The following SLC5A12 variants were observed in gnomAD, a reference collection of about 807,000 sequenced individuals.
The protein encoded by SLC5A12 is sodium-coupled monocarboxylate transporter 2.
A neutral mutation model predicts 72.7 loss-of-function variants in SLC5A12; 46 were observed. That is an observed-to-expected ratio of 0.63 (90% CI 0.50 to 0.81). The LOEUF is 0.81. Ranked by LOEUF, SLC5A12 falls within the 30% of genes least tolerant of loss-of-function variation. The pLI is 0.00. For synonymous variants in SLC5A12, 275 were observed against 264.4 expected (o/e 1.04, Z -0.39); for missense variants, 683 against 740.7 (o/e 0.92, Z 0.90).
At chr11:26,691,583 T>A (rs1854675203) in intron 9 of SLC5A12, 1 of 152,020 alleles carries the variant, frequency 6.6e-6, no homozygotes, top group South Asian at 2.1e-4. Flanking sequence ...ACCATGTTTT[T>A]AAAAAAATAC....
intron 12 of SLC5A12, among the ~76,000 whole-genome samples, 177 bp from the exon 13 acceptor site, chr11:26,678,992 C>A (rs1590708658): frequency 6.6e-6 from 1 of 152,128 alleles, no homozygotes; most frequent in African/African-American, 2.4e-5. Flanking sequence ...CAATTCAATT[C>A]ATTCCTGAAT....
chr11:26,707,455 CCTT>C (rs1855116903), intron 4 of SLC5A12, among the ~76,000 whole-genome samples: 3 of 151,940 alleles, frequency 2.0e-5, no homozygotes, highest in South Asian at 4.1e-4. Flanking sequence ...ATGAATTAGA[CCTT>C]CTTATTTTGT....
Position 26,713,445 on chromosome 11 carries a change from T to A in SLC5A12, c.340-739A>T, listed in dbSNP as rs1278930246. On this transcript the variant is annotated intron_variant, in intron 1 of 14. Transcript: ENST00000396005. Reference sequence around the variant, plus strand: ...CCCAAATTTCACAAAGTCTTAGTCATCTGTCAATAGATGGAAGGAAAAGTA... The same window carrying A: ...CCCAAATTTCACAAAGTCTTAGTCAACTGTCAATAGATGGAAGGAAAAGTA... Among the ~76,000 whole-genome samples, 3 of 152,230 alleles carry A rather than the reference T, an allele frequency of 2.0e-5. No individual in the cohort carries two copies. The East Asian group carries it at 5.8e-4, about 29-fold the overall frequency.
In SLC5A12 at chr11:26,721,567, A is replaced by G; in HGVS notation, c.148T>C (p.Phe50Leu). Residue 50 changes from phenylalanine (F) to leucine (L), a missense_variant, in exon 1 of 15, where the codon TTT (phenylalanine) becomes CTT (leucine). Phe to Leu is a conservative substitution (Grantham distance 22, BLOSUM62 0). Coordinates refer to ENST00000396005, the MANE Select transcript of SLC5A12 (RefSeq NM_178498.4). ...EFLVGGRQMS[F>L]GPVGLSLTAS... The stretch of plus-strand genomic sequence containing the variant: ...GTCAGAGACAAGCCGACAGGGCCAA[A>G]GCTCATTTGCCTTCCCCCAACCAGG... The G allele has an allele frequency of 6.2e-7, 1 of 1,614,168 alleles. No homozygotes were observed. The highest frequency in any genetic ancestry group is 8.5e-7 in the Non-Finnish European group (1 of 1,180,022).
intron 9 of SLC5A12, among the ~76,000 whole-genome samples, chr11:26,689,255 G>A (rs919588438): frequency 3.3e-5 from 5 of 151,984 alleles, no homozygotes; most frequent in South Asian, 2.1e-4. Context: ...AAATTTAGCC[G>A]GGTGTCGTGG....
Position 26,673,503 on chromosome 11 carries a change from G to A in SLC5A12, c.1606C>T (p.Pro536Ser), listed in dbSNP as rs1361312095. The change falls in exon 14 of 15, where the codon CCA (proline) becomes TCA (serine). Residue 536 changes from proline to serine, a missense_variant. Transcript: ENST00000396005. ...TGRQRGEDIQ[P>S]LLIRPVCNLF... The stretch of plus-strand genomic sequence containing the variant: ...TTACAAACTGGTCTAATTAACAGTG[G>A]TTGAATATCCTCACCTCTTTGGCGA... 6.2e-7 allele frequency: 1 copy of A among 1,610,444 alleles called. No homozygotes were observed. Among genetic ancestry groups the A allele is most frequent in the Non-Finnish European group, 8.5e-7 (1 of 1,178,326 alleles).
At chr11:26,712,779 T>C in intron 1 of SLC5A12, 73 bp from the exon 2 acceptor site, 1 of 1,051,476 alleles carries the variant, frequency 9.5e-7, no homozygotes. Flanking sequence ...CTTTTTATCT[T>C]GGTATATCCT....
At chr11:26,705,645 C>T (rs1855065821) in intron 4 of SLC5A12, among the ~76,000 whole-genome samples, 1 of 151,922 alleles carries the variant, frequency 6.6e-6, no homozygotes, top group Non-Finnish European at 1.5e-5. Flanking sequence ...AAATTTCTTA[C>T]CTGTTACCTC....
chr11:26,693,419 C>T (rs376792687), intron 8 of SLC5A12, among the ~76,000 whole-genome samples: 13 of 152,236 alleles, frequency 8.5e-5, no homozygotes, highest in East Asian at 3.9e-4. Context: ...AGCCACAAAT[C>T]GAAACTGCAT....
chr11:26,720,633 T>A (rs1464978364), intron 1 of SLC5A12, among the ~76,000 whole-genome samples: 1 of 152,096 alleles, frequency 6.6e-6, no homozygotes, highest in Non-Finnish European at 1.5e-5. Context: ...ATAATGAAAA[T>A]AAATACCTTA....
Position 26,714,734 on chromosome 11 carries a change from A to C in SLC5A12, c.340-2028T>G, listed in dbSNP as rs542416487. 4.6e-5 allele frequency among the ~76,000 whole-genome samples: 7 copies of C among 152,254 alleles called. No homozygotes were observed. The East Asian group carries it at 1.4e-3, about 29-fold the overall frequency. On this transcript the variant is annotated intron_variant, in intron 1 of 14. Coordinates refer to ENST00000396005, the MANE Select transcript of SLC5A12 (RefSeq NM_178498.4). Reference sequence around the variant, plus strand: ...ATCCTTTCCCTAGAAACATTAGATAAATGTTTCATGGCTTACAATTGGCCC... The same window carrying C: ...ATCCTTTCCCTAGAAACATTAGATACATGTTTCATGGCTTACAATTGGCCC...
intron 4 of SLC5A12, among the ~76,000 whole-genome samples, chr11:26,704,869 T>C (rs1855047502): frequency 6.6e-6 from 1 of 151,998 alleles, no homozygotes; most frequent in Admixed American, 6.6e-5. Flanking sequence ...ACTGAGATGG[T>C]AGAATATCAA....
At chr11:26,677,396 G>A (rs970748268) in intron 13 of SLC5A12, among the ~76,000 whole-genome samples, 4 of 152,116 alleles carry the variant, frequency 2.6e-5, no homozygotes, top group African/African-American at 9.7e-5. Flanking sequence ...AATATGGACT[G>A]GCAAACTACT....
chr11:26,699,441 C>A (rs1338062475), intron 6 of SLC5A12, among the ~76,000 whole-genome samples: 2 of 152,212 alleles, frequency 1.3e-5, no homozygotes, highest in African/African-American at 4.8e-5. Context: ...ACCCTTAAAT[C>A]AAAGTCCACA....
In SLC5A12 at chr11:26,692,514, C is replaced by T. The variant is rs772271048; in HGVS notation, c.1128G>A (p.Leu376=). The T allele has an allele frequency of 6.2e-7, 1 of 1,613,684 alleles. No homozygotes were observed. Among genetic ancestry groups the T allele is most frequent in the Admixed American group, 1.7e-5 (1 of 60,026 alleles). Residue 376 remains leucine (L), a synonymous_variant, in exon 9 of 15, where the codon CTG becomes CTA. Transcript: ENST00000396005. ...ATAAGCCTTTACTGATCCAGGTGCT[C>T]AGCTTGTCGGAGAGATGAGGAAAAC... ...KSCFPHLSDK[L]STWISKGLCL...
intron 1 of SLC5A12, among the ~76,000 whole-genome samples, chr11:26,718,574 T>A (rs1240258460): frequency 2.0e-5 from 3 of 152,088 alleles, no homozygotes; most frequent in Non-Finnish European, 2.9e-5. Context: ...TGCCTCAGCC[T>A]CTCGAGTAGC....
intron 11 of SLC5A12, 64 bp from the exon 12 acceptor site, chr11:26,681,285 G>C: frequency 2.9e-6 from 4 of 1,370,804 alleles, no homozygotes; most frequent in Non-Finnish European, 3.9e-6. Context: ...AGAATAATGA[G>C]ATGAGGAGTT....
Position 26,667,329 on chromosome 11 carries a change from C to A in SLC5A12, c.*3773G>T, listed in dbSNP as rs914271701. The A allele has an allele frequency of 3.3e-5, 5 of 151,858 alleles. No homozygotes were observed. The highest frequency in any genetic ancestry group is 7.4e-5 in the Non-Finnish European group (5 of 67,840). The allele number at this position is 151,858 out of a possible 1,614,324, so 9.4% of individuals were successfully genotyped here. A position where few individuals can be genotyped will look rare whatever the true frequency, so the allele number is the denominator to read the frequency against. ...CTCCTCTATTTTTTCCGTATCTGAT[C>A]TTTGTAATAATGTTTGATTAAGACT... On this transcript the variant is annotated 3_prime_UTR_variant, in exon 15 of 15. Transcript: ENST00000396005.
At chr11:26,688,498 C>T (rs1485067191) in intron 9 of SLC5A12, among the ~76,000 whole-genome samples, 1 of 152,072 alleles carries the variant, frequency 6.6e-6, no homozygotes, top group East Asian at 1.9e-4. Context: ...TCTTCTTGTT[C>T]AAACACAAAT....
Sources: allele counts gnomAD v4.1 joint callset (sites outside exome capture counted in the v4.1 genomes callset), GRCh38; gene constraint gnomAD v4.1.1; transcripts MANE v1.5; gene names NCBI Gene and HGNC (gene_info 2026-07-23, HGNC 2026-07-21).